Variants in TAPBPL observed in about 807,000 individuals in gnomAD.
TAPBPL encodes tapasin-related protein.
TAPBPL carries 32 observed loss-of-function variants against 44.8 expected under a neutral mutation model. That is an observed-to-expected ratio of 0.71 (90% CI 0.54 to 0.96). TAPBPL has a LOEUF of 0.96. Among genes scored for constraint, TAPBPL ranks in the 40% least tolerant of loss-of-function variants. The pLI is 0.00. For missense variants in TAPBPL, 520 were observed against 586.6 expected (o/e 0.89, Z 1.17); for synonymous variants, 230 against 240.7 (o/e 0.96, Z 0.41).
In TAPBPL at chr12:6,453,850, TCTA is replaced by T; in HGVS notation, c.565+138_565+140del. On this transcript the variant is annotated intron_variant, in intron 3 of 6. Transcript: ENST00000266556. This position sits in a 1 kb window ranked among gnomAD's most constrained non-coding sequence, Gnocchi z 4.8. ...CTGGTCAACACGGTGAAACCCCGTC[TCTA>T]CTAATACCAAAATTAGCCGGGCATG... is the stretch of plus-strand genomic sequence containing the variant. The T allele has an allele frequency of 3.3e-6, 4 of 1,207,662 alleles. No individual in the cohort carries two copies. The highest frequency in any genetic ancestry group is 3.3e-6 in the Non-Finnish European group (3 of 895,958). 74.8% of individuals were successfully genotyped at this position (1,207,662 alleles called of 1,614,324 possible). A position where few individuals can be genotyped will look rare whatever the true frequency, so the allele number is the denominator to read the frequency against.
At position 6,458,720 on chromosome 12, in the gene TAPBPL, A is replaced by C. The variant is rs1304793840; in HGVS notation, c.980A>C (p.Tyr327Ser). 6.2e-7 allele frequency: 1 copy of C among 1,614,046 alleles called. No individual in the cohort carries two copies. The highest frequency in any genetic ancestry group is 1.7e-5 in the Admixed American group (1 of 60,000). Reference protein sequence around the residue: ...PTLICDIAGYYPLDVVVTWTR... With the variant: ...PTLICDIAGYSPLDVVVTWTR... ...CTCATCTGCGACATTGCTGGCTATT[A>C]CCCTCTGGATGTGGTGGTGACGTGG... The change falls in exon 5 of 7, where the codon TAC (tyrosine) becomes TCC (serine). Residue 327 changes from tyrosine (Y) to serine (S), a missense_variant. Coordinates refer to ENST00000266556, the MANE Select transcript of TAPBPL (RefSeq NM_018009.5).
chr12:6,464,457 G>A, downstream of TAPBPL: 1 of 1,560,296 alleles, frequency 6.4e-7, no homozygotes, highest in Non-Finnish European at 8.7e-7. Context: ...AACAGGGAAG[G>A]GGTGGTACAT....
intron 5 of TAPBPL, among the ~76,000 whole-genome samples, chr12:6,459,708 G>C (rs747914102): frequency 5.9e-5 from 9 of 151,804 alleles, no homozygotes; most frequent in Non-Finnish European, 8.8e-5. Flanking sequence ...GAGAGCCATA[G>C]CATGCTGTTG....
At chr12:6,466,372 A>G, downstream of TAPBPL, 2 of 1,596,152 alleles carry the variant, frequency 1.3e-6, no homozygotes, top group Non-Finnish European at 1.7e-6. Context: ...ACATGTGCAG[A>G]GTACACAAAG....
At chr12:6,461,610 G>A (rs559561077) in intron 6 of TAPBPL, among the ~76,000 whole-genome samples, 4 of 152,280 alleles carry the variant, frequency 2.6e-5, no homozygotes, top group African/African-American at 9.6e-5. Context: ...GCTCCAACTT[G>A]CAAAGTGTTT....
chr12:6,453,727 G>A lies in TAPBPL; in HGVS notation c.565+11G>A. 6.3e-7 allele frequency: 1 copy of A among 1,576,650 alleles called. No individual in the cohort carries two copies. The highest frequency in any genetic ancestry group is 8.6e-7 in the Non-Finnish European group (1 of 1,161,394). On this transcript the variant is annotated intron_variant, in intron 3 of 6. Coordinates refer to ENST00000266556, the MANE Select transcript of TAPBPL (RefSeq NM_018009.5). This position sits in a 1 kb window ranked among gnomAD's most constrained non-coding sequence, Gnocchi z 4.8. ...CTGTGCGAACTGCAGGTAAGAAAAT[G>A]AAAAGCAAGGCCAGGTGTGGTGGCT...
rs532271568 is a variant in TAPBPL at position 6,460,930 on chromosome 12, G to A, written c.1283G>A (p.Arg428Lys). Residue 428 changes from arginine (R) to lysine (K), a missense_variant, in exon 6 of 7, where the codon AGA becomes AAA. Arg to Lys is a conservative substitution (Grantham distance 26). Transcript: ENST00000266556. Reference protein sequence around the residue: ...LLALMFLGLQRRQAPTGLGLL... With the variant: ...LLALMFLGLQKRQAPTGLGLL... ...GCACTGATGTTCCTGGGGCTTCAGA[G>A]ACGGCAAGGTAAGAGCCTGGGTGCC... 3 of 1,614,122 alleles carry A rather than the reference G, an allele frequency of 1.9e-6. No homozygotes were observed. Among genetic ancestry groups the A allele is most frequent in the South Asian group, 1.1e-5 (1 of 91,088 alleles).
At chr12:6,464,606 C>T, downstream of TAPBPL, 1 of 1,457,934 alleles carries the variant, frequency 6.9e-7, no homozygotes, top group South Asian at 1.5e-5. Flanking sequence ...TGCCCCATCC[C>T]CATGGTCTCC....
chr12:6,456,377 T>TG lies in TAPBPL; in HGVS notation c.566-1029_566-1028insG, dbSNP rs547382980. On this transcript the variant is annotated intron_variant, in intron 3 of 6. Coordinates refer to ENST00000266556, the MANE Select transcript of TAPBPL (RefSeq NM_018009.5). The stretch of plus-strand genomic sequence containing the variant: ...TACTATCACATGCTTTTTTTTTTTT[T>TG]TTTCGATATGGAGTTTTACTCTTAT... Among the ~76,000 whole-genome samples the TG allele has an allele frequency of 2.1e-3, 312 of 152,024 alleles. 1 individual carries two copies. The highest frequency in any genetic ancestry group is 7.2e-3 in the African/African-American group (297 of 41,454).
At chr12:6,471,807 A>T in the TAPBPL span, among the ~76,000 whole-genome samples, 35 of 148,236 alleles carry the variant, frequency 2.4e-4, no homozygotes, top group African/African-American at 8.6e-4. The surrounding 1 kb of genome is among the most constrained non-coding windows in gnomAD (Gnocchi z 4.0). Flanking sequence ...AGCCTGGGCA[A>T]CAGAGCAAGA....
chr12:6,465,358 G>GTATATATATATAAATGTATATATATGTA (rs1949978079), downstream of TAPBPL: 12 of 146,490 alleles, frequency 8.2e-5, no homozygotes, highest in African/African-American at 6.5e-4. Context: ...AAAGAAAAAA[G>GTATATATATATAAATGTATATATATGTA]TATATATATA....
chr12:6,462,920 G>A, downstream of TAPBPL: 2 of 1,565,818 alleles, frequency 1.3e-6, no homozygotes, highest in Non-Finnish European at 8.7e-7. Flanking sequence ...AAATGCTGCT[G>A]CATGGAAAGT....
chr12:6,452,437 CAG>C (rs151118790), intron 1 of TAPBPL, 125 bp downstream of exon 1: 404,911 of 1,460,910 alleles, frequency 0.28, 57,610 homozygotes, highest in East Asian at 0.34. Context: ...CTAAGCCCAA[CAG>C]GGGAAAGGCT....
rs1166293707 is a variant in TAPBPL, at chr12:6,453,068, G to C, written c.66G>C (p.Lys22Asn). 1 of 1,571,398 alleles carries C rather than the reference G, an allele frequency of 6.4e-7. No individual in the cohort carries two copies. The highest frequency in any genetic ancestry group is 8.6e-7 in the Non-Finnish European group (1 of 1,158,892). ...CLALSGAAET[K>N]PHPAEGQWRA... The stretch of plus-strand genomic sequence containing the variant: ...GCTCACCCCAGCCTTTGTCTGCAGA[G>C]CCCCACCCAGCAGAGGGGCAGTGGC... Residue 22 changes from lysine (K) to asparagine (N), a missense_variant and splice_region_variant, in exon 2 of 7, where the codon AAG (lysine) becomes AAC (asparagine). Physicochemically the swap from Lys to Asn is moderately conservative, Grantham distance 94. Coordinates refer to ENST00000266556, the MANE Select transcript of TAPBPL (RefSeq NM_018009.5). The surrounding 1 kb of genome is among the most constrained non-coding windows in gnomAD (Gnocchi z 4.8).
Position 6,452,156 on chromosome 12 carries a change from C to T in TAPBPL, c.-93C>T. ...TAAAGGCTGCAGGCTGCCAGGTGTGCTTGGAGAGCCCCCTTCTTCCGCCGG... is the reference window on the plus strand; with the variant it reads ...TAAAGGCTGCAGGCTGCCAGGTGTGTTTGGAGAGCCCCCTTCTTCCGCCGG... On this transcript the variant is annotated 5_prime_UTR_variant, in exon 1 of 7. Coordinates refer to ENST00000266556, the MANE Select transcript of TAPBPL (RefSeq NM_018009.5). 9 of 1,463,872 alleles carry T rather than the reference C, an allele frequency of 6.1e-6. No individual in the cohort carries two copies. Among genetic ancestry groups the T allele is most frequent in the Non-Finnish European group, 7.5e-6 (8 of 1,069,416 alleles). The allele number at this position is 1,463,872 out of a possible 1,614,324, so 90.7% of individuals were successfully genotyped here.
At chr12:6,464,528 G>A, downstream of TAPBPL, 2 of 1,475,316 alleles carry the variant, frequency 1.4e-6, no homozygotes, top group East Asian at 4.9e-5. Flanking sequence ...AAAAGAGAAA[G>A]AGACAGGAGA....
rs765498209 is a variant in TAPBPL, at chr12:6,458,656, G to A, written c.916G>A (p.Val306Ile). The change falls in exon 5 of 7, where the codon GTA (valine) becomes ATA (isoleucine). Residue 306 changes from valine (V) to isoleucine (I), a missense_variant. Coordinates refer to ENST00000266556, the MANE Select transcript of TAPBPL (RefSeq NM_018009.5). ...IQLNIQASPK[V>I]RLSLANEALL... The stretch of plus-strand genomic sequence containing the variant: ...CATTCTTTCTCCAGCTTCCCCTAAA[G>A]TACGACTGAGCTTGGCAAACGAAGC... The A allele has an allele frequency of 9.3e-6, 15 of 1,613,374 alleles. No individual in the cohort carries two copies. In the South Asian group the frequency reaches 1.5e-4, roughly 17 times the overall value.
intron 4 of TAPBPL, among the ~76,000 whole-genome samples, 199 bp from the exon 5 acceptor site, chr12:6,458,446 G>A (rs976604891): frequency 5.3e-5 from 8 of 151,468 alleles, no homozygotes; most frequent in African/African-American, 1.9e-4. Context: ...TTTACTATCT[G>A]TTTTCTGGAA....
chr12:6,467,902 T>C (rs372572370), downstream of TAPBPL, among the ~76,000 whole-genome samples: 3 of 152,342 alleles, frequency 2.0e-5, no homozygotes, highest in African/African-American at 7.2e-5. Flanking sequence ...CACATGGTGT[T>C]GAGCCTGCAG....
Sources: allele counts gnomAD v4.1 joint callset (sites outside exome capture counted in the v4.1 genomes callset), GRCh38; gene constraint gnomAD v4.1.1; non-coding constraint Gnocchi (gnomAD v3.1); transcripts MANE v1.5; gene names NCBI Gene and HGNC (gene_info 2026-07-23, HGNC 2026-07-21).